PIP5K1C: variants seen among roughly 807,000 people sequenced by gnomAD.
PIP5K1C encodes phosphatidylinositol-4-phosphate 5-kinase type 1 gamma.
In PIP5K1C, 45 loss-of-function variants were observed where a neutral mutation model predicts 80.1. The ratio of observed to expected loss-of-function variants is 0.56; its 90% CI spans 0.44 to 0.72. The LOEUF is 0.72. PIP5K1C is among the 30% of genes least tolerant of loss of function. The pLI, the probability that PIP5K1C is intolerant of heterozygous loss-of-function variation, is 0.00. For missense variants in PIP5K1C, 753 were observed against 954.6 expected (o/e 0.79, Z 2.78); for synonymous variants, 498 against 420.1 (o/e 1.19, Z -2.27).
intron 1 of PIP5K1C, among the ~76,000 whole-genome samples, chr19:3,674,610 C>T (rs540308539): frequency 6.6e-6 from 1 of 152,270 alleles, no homozygotes. Flanking sequence ...TCAAGCGATT[C>T]TCCTGCCTCA....
At chr19:3,667,232 G>GCTGC in intron 2 of PIP5K1C, 90 bp downstream of exon 2, 1 of 1,166,466 alleles carries the variant, frequency 8.6e-7, no homozygotes, top group Non-Finnish European at 1.3e-6. Context: ...GGTGTAGTGA[G>GCTGC]CTGCCCCAGG....
chr19:3,637,109 T>TGCTGACCTGTGCAACCTCCCC lies in PIP5K1C; in HGVS notation c.1920+1754_1920+1774dup, dbSNP rs1213350688. On this transcript the variant is annotated intron_variant, in intron 16 of 17. Transcript: ENST00000335312. The surrounding 1 kb of genome is among the most constrained non-coding windows in gnomAD (Gnocchi z 7.0). ...TCAGAGCCCGGCCCTGCAGCCACTC[T>TGCTGACCTGTGCAACCTCCCC]GCTGACCTGTGCAACCTCCCCTGTG... 2.8e-5 allele frequency: 38 copies of TGCTGACCTGTGCAACCTCCCC among 1,340,140 alleles called. No individual in the cohort carries two copies. Among genetic ancestry groups the TGCTGACCTGTGCAACCTCCCC allele is most frequent in the Admixed American group, 1.0e-4 (3 of 29,976 alleles). 83.0% of individuals were successfully genotyped at this position (1,340,140 alleles called of 1,614,324 possible).
chr19:3,670,572 G>A (rs1208320416), intron 1 of PIP5K1C, among the ~76,000 whole-genome samples: 4 of 152,244 alleles, frequency 2.6e-5, no homozygotes, highest in Non-Finnish European at 4.4e-5. Flanking sequence ...CAGAACAAAC[G>A]CCTGTTCAAG....
intron 12 of PIP5K1C, 77 bp downstream of exon 12, chr19:3,644,010 G>A: frequency 6.5e-7 from 1 of 1,531,246 alleles, no homozygotes; most frequent in Non-Finnish European, 8.9e-7. Flanking sequence ...CTCAGGATGA[G>A]GCGGCACCCC....
rs1473177300 is a variant in PIP5K1C at position 3,700,291 on chromosome 19, C to T, written c.94+6G>A. 2 of 1,269,742 alleles carry T rather than the reference C, an allele frequency of 1.6e-6. No homozygotes were observed. The highest frequency in any genetic ancestry group is 3.2e-5 in the South Asian group (2 of 62,540). 78.7% of individuals were successfully genotyped at this position (1,269,742 alleles called of 1,614,324 possible). On this transcript the variant is annotated splice_donor_region_variant and intron_variant, in intron 1 of 17. Transcript: ENST00000335312. ...GGGCCGCAGCCCCGGGAGGCCGGGC[C>T]GTTACCTGCCGCCGCCCCGCTCTCT... is the stretch of plus-strand genomic sequence containing the variant.
At chr19:3,647,517 A>C in intron 9 of PIP5K1C, 131 bp from the exon 10 acceptor site, 3 of 790,574 alleles carry the variant, frequency 3.8e-6, no homozygotes, top group Non-Finnish European at 6.4e-6. Context: ...GTCAAAACTC[A>C]GGGTGGCAGG....
At position 3,637,839 on chromosome 19, in the gene PIP5K1C, A is replaced by C; in HGVS notation, c.1920+1045T>G. 2 of 1,535,336 alleles carry C rather than the reference A, an allele frequency of 1.3e-6. No individual in the cohort carries two copies. Among genetic ancestry groups the C allele is most frequent in the Non-Finnish European group, 1.7e-6 (2 of 1,146,664 alleles). On this transcript the variant is annotated intron_variant, in intron 16 of 17. Transcript: ENST00000335312. This position sits in a 1 kb window ranked among gnomAD's most constrained non-coding sequence, Gnocchi z 7.0. ...TGGCAGGGCATCAGGACACAGACAC[A>C]CAGCACGACATGGCCCCCAGGCCCC... is the stretch of plus-strand genomic sequence containing the variant.
chr19:3,684,756 C>T lies in PIP5K1C; in HGVS notation c.94+15541G>A, dbSNP rs149957863. Reference sequence around the variant, plus strand: ...GGACCACCACCTGCTGAAGGTCACCCGGCACGTAGGGCCCAGGCAGCAAAG... The same window carrying T: ...GGACCACCACCTGCTGAAGGTCACCTGGCACGTAGGGCCCAGGCAGCAAAG... On this transcript the variant is annotated intron_variant, in intron 1 of 17. Transcript: ENST00000335312. Among the ~76,000 whole-genome samples the T allele has an allele frequency of 1.7e-3, 261 of 152,354 alleles. 1 individual carries two copies. Among genetic ancestry groups the T allele is most frequent in the Middle Eastern group, 6.8e-3 (2 of 294 alleles).
In PIP5K1C at chr19:3,630,594, G is replaced by A. The variant is rs2033443625; in HGVS notation, c.*2573C>T. On this transcript the variant is annotated 3_prime_UTR_variant, in exon 18 of 18. Transcript: ENST00000335312. The stretch of plus-strand genomic sequence containing the variant: ...CAGTACCATGGTGAAGGACCCCATG[G>A]CAATGGGAGTATTGCACTGAGCCAG... 1 of 152,602 alleles carries A rather than the reference G, an allele frequency of 6.6e-6. No homozygotes were observed. The highest frequency in any genetic ancestry group is 6.5e-5 in the Admixed American group (1 of 15,282). The allele number at this position is 152,602 out of a possible 1,614,324, so 9.5% of individuals were successfully genotyped here.
intron 15 of PIP5K1C, 77 bp downstream of exon 15, chr19:3,641,628 G>T: frequency 9.6e-7 from 1 of 1,042,674 alleles, no homozygotes; most frequent in Non-Finnish European, 1.5e-6. Context: ...GCTTCATGAT[G>T]AAACCTCGGG....
chr19:3,639,780 GA>G (rs1341316403), intron 15 of PIP5K1C, among the ~76,000 whole-genome samples: 2 of 152,174 alleles, frequency 1.3e-5, no homozygotes, highest in Non-Finnish European at 2.9e-5. Flanking sequence ...TGGCTCCCGT[GA>G]TTAACCCACT....
At position 3,685,307 on chromosome 19, in the gene PIP5K1C, T is replaced by C. The variant is rs180940053; in HGVS notation, c.94+14990A>G. Among the ~76,000 whole-genome samples, 509 of 152,334 alleles carry C rather than the reference T, an allele frequency of 3.3e-3. 1 individual carries two copies. The highest frequency in any genetic ancestry group is 6.1e-3 in the Non-Finnish European group (415 of 68,038). ...CAACTTCAATTCTAGAACTTTCTCC[T>C]AGACAACTTCGGCACAGGTAAAAAG... On this transcript the variant is annotated intron_variant, in intron 1 of 17. Transcript: ENST00000335312.
At chr19:3,695,735 T>TC (rs1362982042) in intron 1 of PIP5K1C, among the ~76,000 whole-genome samples, 49 of 150,988 alleles carry the variant, frequency 3.2e-4, no homozygotes, top group African/African-American at 1.2e-3. Flanking sequence ...GACCCTTTTT[T>TC]TTTTTTTTTT....
At chr19:3,645,308 G>A (rs1220758338) in intron 11 of PIP5K1C, among the ~76,000 whole-genome samples, 1 of 152,262 alleles carries the variant, frequency 6.6e-6, no homozygotes, top group Non-Finnish European at 1.5e-5. Flanking sequence ...GAGGGTGGCT[G>A]AGAAACAGAC....
chr19:3,665,941 G>T (rs1434115284), intron 2 of PIP5K1C, among the ~76,000 whole-genome samples: 2 of 152,072 alleles, frequency 1.3e-5, no homozygotes, highest in Non-Finnish European at 2.9e-5. Flanking sequence ...CCAGGGACAC[G>T]CCTGCAGCCC....
chr19:3,638,825 C>A, intron 16 of PIP5K1C, 59 bp downstream of exon 16: 1 of 1,606,088 alleles, frequency 6.2e-7, no homozygotes, highest in Non-Finnish European at 8.5e-7. Context: ...CACGGTGGAG[C>A]GTGTGTGAGA....
intron 2 of PIP5K1C, 143 bp from the exon 3 acceptor site, chr19:3,665,057 G>A (rs893832730): frequency 1.2e-5 from 9 of 739,998 alleles, no homozygotes; most frequent in Admixed American, 4.0e-5. Flanking sequence ...AGGCGACTCC[G>A]GGGTGCAGCA....
At position 3,637,575 on chromosome 19, in the gene PIP5K1C, A is replaced by C. The variant is rs1441320445; in HGVS notation, c.1920+1309T>G. 2 of 1,291,146 alleles carry C rather than the reference A, an allele frequency of 1.5e-6. No individual in the cohort carries two copies. Among genetic ancestry groups the C allele is most frequent in the Non-Finnish European group, 2.0e-6 (2 of 993,656 alleles). The allele number at this position is 1,291,146 out of a possible 1,614,324, so 80.0% of individuals were successfully genotyped here. On this transcript the variant is annotated intron_variant, in intron 16 of 17. Transcript: ENST00000335312. This position sits in a 1 kb window ranked among gnomAD's most constrained non-coding sequence, Gnocchi z 7.0. ...TCAGCGTCACGGCCCGCAGTCGGCG[A>C]TGGCGGGGAGAGTAAATCCAGTACC...
In PIP5K1C at chr19:3,638,972, T is replaced by G. The variant is rs2033834491; in HGVS notation, c.1832A>C (p.Glu611Ala). The G allele has an allele frequency of 6.2e-7, 1 of 1,612,020 alleles. No individual in the cohort carries two copies. Among genetic ancestry groups the G allele is most frequent in the African/African-American group, 1.3e-5 (1 of 74,838 alleles). The change falls in exon 16 of 18, where the codon GAA (glutamate) becomes GCA (alanine). Residue 611 changes from glutamate to alanine, a missense_variant. Physicochemically the swap from Glu to Ala is moderately radical, Grantham distance 107. Around this residue, in one of 6 missense-constraint regions of PIP5K1C, gnomAD observed 315 missense variants for 294.5 expected, o/e 1.07. Transcript: ENST00000335312. Reference sequence around the variant, plus strand: ...CTCGTCTGAGGCCTGGCTGGCAGTTTCTACTTCAACAGCAGCAGAGGCACC... The same window carrying G: ...CTCGTCTGAGGCCTGGCTGGCAGTTGCTACTTCAACAGCAGCAGAGGCACC... ...PAGASAAVEV[E>A]TASQASDEEG...
Sources: gnomAD v4.1 joint callset for allele counts (sites outside exome capture counted in the v4.1 genomes callset) on GRCh38, gnomAD v4.1.1 for gene constraint, gnomAD v4.1.1 regional missense constraint, Gnocchi (gnomAD v3.1) non-coding constraint, MANE v1.5 for transcripts, NCBI Gene and HGNC (gene_info 2026-07-23, HGNC 2026-07-21) for gene names.